CCDC102B: variants seen among roughly 807,000 people sequenced by gnomAD.
CCDC102B encodes the protein coiled-coil domain containing 102B, also known as coiled-coil domain-containing protein 102B.
Under a neutral mutation model 57.4 loss-of-function variants are expected in CCDC102B, and 75 were observed. The ratio of observed to expected loss-of-function variants is 1.31; its 90% CI spans 1.08 to 1.58. The LOEUF (loss-of-function observed/expected upper bound fraction) is 1.58, where lower values mean the gene tolerates loss of function less well. Among genes scored for constraint, CCDC102B ranks in the 40% most tolerant of loss-of-function variants. The pLI, the probability that CCDC102B is intolerant of heterozygous loss-of-function variation, is 0.00. For synonymous variants in CCDC102B, 206 were observed against 201.9 expected (o/e 1.02, Z -0.17); for missense variants, 636 against 582.6 (o/e 1.09, Z -0.94).
chr18:68,982,579 C>A (rs992210786), intron 6 of CCDC102B, among the ~76,000 whole-genome samples: 2 of 151,932 alleles, frequency 1.3e-5, no homozygotes, highest in Non-Finnish European at 2.9e-5. Flanking sequence ...CTGTATAATT[C>A]TCTTTTCCAA....
intron 7 of CCDC102B, among the ~76,000 whole-genome samples, chr18:69,028,731 T>A (rs2052058826): frequency 6.6e-6 from 1 of 152,134 alleles, no homozygotes; most frequent in Non-Finnish European, 1.5e-5. Context: ...TAAAGTAGAA[T>A]AACTGGTGAC....
At chr18:68,920,421 A>T (rs2041236652) in intron 6 of CCDC102B, among the ~76,000 whole-genome samples, 1 of 152,120 alleles carries the variant, frequency 6.6e-6, no homozygotes. Context: ...ATTAAAAGAC[A>T]TTAGGTCCAC....
At chr18:68,841,471 C>T (rs1043585065) in intron 3 of CCDC102B, among the ~76,000 whole-genome samples, 7 of 152,130 alleles carry the variant, frequency 4.6e-5, no homozygotes. Context: ...AAAGACTTCC[C>T]AGGTAGAAAA....
At chr18:68,990,690 C>A (rs911531395) in intron 6 of CCDC102B, among the ~76,000 whole-genome samples, 1 of 152,078 alleles carries the variant, frequency 6.6e-6, no homozygotes, top group Non-Finnish European at 1.5e-5. Context: ...TTATAATTTT[C>A]CGCTTGAAGA....
At chr18:68,822,221 C>T (rs1021687728) in intron 1 of CCDC102B, among the ~76,000 whole-genome samples, 10 of 151,994 alleles carry the variant, frequency 6.6e-5, no homozygotes, top group African/African-American at 2.4e-4. Context: ...TAGTGAAACC[C>T]TGTCTCTACT....
chr18:68,792,342 C>A (rs553636728), intron 2 of CCDC102B, among the ~76,000 whole-genome samples: 1 of 152,124 alleles, frequency 6.6e-6, no homozygotes, highest in African/African-American at 2.4e-5. Context: ...CTGCTTTGCT[C>A]GGAGCCTAAG....
intron 6 of CCDC102B, among the ~76,000 whole-genome samples, chr18:68,979,736 A>T (rs1451556735): frequency 6.6e-6 from 1 of 152,044 alleles, no homozygotes; most frequent in Non-Finnish European, 1.5e-5. Flanking sequence ...TATTAAGTAT[A>T]AAAAATAATA....
intron 6 of CCDC102B, among the ~76,000 whole-genome samples, chr18:69,000,010 A>G (rs1032464599): frequency 1.3e-5 from 2 of 152,190 alleles, no homozygotes; most frequent in African/African-American, 2.4e-5. Context: ...TAGAAAAGAA[A>G]TGTATCAAAG....
intron 1 of CCDC102B, among the ~76,000 whole-genome samples, chr18:68,798,627 A>G (rs2035722676): frequency 6.6e-6 from 1 of 152,132 alleles, no homozygotes; most frequent in African/African-American, 2.4e-5. Context: ...TGTACCTTGA[A>G]TTCTTTTCAA....
chr18:69,006,221 A>G (rs2051336892), intron 6 of CCDC102B, among the ~76,000 whole-genome samples: 1 of 152,164 alleles, frequency 6.6e-6, no homozygotes, highest in African/African-American at 2.4e-5. Flanking sequence ...GATTTTAGAT[A>G]ATAATAGCAT....
chr18:68,715,373 C>G lies in CCDC102B; in HGVS notation c.-134+12C>G, dbSNP rs374509554. 173 of 501,896 alleles carry G rather than the reference C, an allele frequency of 3.4e-4. 1 individual carries two copies. The African/African-American group carries it at 3.6e-3, about 10-fold the overall frequency. 31.1% of individuals were successfully genotyped at this position (501,896 alleles called of 1,614,324 possible). A position where few individuals can be genotyped will look rare whatever the true frequency, so the allele number is the denominator to read the frequency against. ...ATGCTGAGGGTGAGGTAGGCTCTGA[C>G]GACGCACTTGCAGGTTGAATACTGG... is the stretch of plus-strand genomic sequence containing the variant. On this transcript the variant is annotated intron_variant, in intron 1 of 3. Transcript: ENST00000578970.
chr18:68,799,699 T>G (rs1490012448), intron 1 of CCDC102B, among the ~76,000 whole-genome samples: 2 of 152,172 alleles, frequency 1.3e-5, no homozygotes, highest in Non-Finnish European at 2.9e-5. Flanking sequence ...CTAGTGGAAC[T>G]TGGATAGGTG....
chr18:68,915,214 T>C (rs979204916), intron 6 of CCDC102B, among the ~76,000 whole-genome samples: 3 of 152,212 alleles, frequency 2.0e-5, no homozygotes, highest in African/African-American at 4.8e-5. Flanking sequence ...TTTAGTGGCA[T>C]TGGCCTTGAC....
At chr18:69,019,921 C>CTTATTATCATAAACAT (rs2051780461) in intron 7 of CCDC102B, among the ~76,000 whole-genome samples, 3 of 152,102 alleles carry the variant, frequency 2.0e-5, no homozygotes, top group Non-Finnish European at 4.4e-5. Flanking sequence ...TTATCATAAA[C>CTTATTATCATAAACAT]AGGTGTTGAA....
intron 2 of CCDC102B, among the ~76,000 whole-genome samples, chr18:68,726,396 G>A (rs144396882): frequency 1.2e-4 from 18 of 152,266 alleles, no homozygotes; most frequent in African/African-American, 3.4e-4. Flanking sequence ...TTACCTGCAG[G>A]CGTGTTTGTG....
chr18:69,029,755 G>C (rs1170311685), intron 7 of CCDC102B, among the ~76,000 whole-genome samples: 11 of 152,112 alleles, frequency 7.2e-5, no homozygotes, highest in Admixed American at 7.2e-4. Flanking sequence ...GTTTAAAGTT[G>C]GTTCCAGGAA....
intron 2 of CCDC102B, among the ~76,000 whole-genome samples, chr18:68,745,776 T>C (rs920308419): frequency 5.3e-5 from 8 of 152,180 alleles, no homozygotes; most frequent in Non-Finnish European, 8.8e-5. Flanking sequence ...CGATTTTCCT[T>C]TCTACTTCTA....
At chr18:69,017,703 A>C (rs549020323) in intron 7 of CCDC102B, among the ~76,000 whole-genome samples, 40 of 152,320 alleles carry the variant, frequency 2.6e-4, no homozygotes, top group African/African-American at 9.4e-4. Flanking sequence ...TATACAACAC[A>C]GTATTCTTAA....
intron 1 of CCDC102B, among the ~76,000 whole-genome samples, chr18:68,825,808 T>C (rs1680400108): frequency 6.6e-6 from 1 of 152,210 alleles, no homozygotes; most frequent in South Asian, 2.1e-4. Context: ...ATGAATTAAA[T>C]GCAGTAATTC....
Sources: gnomAD v4.1 joint callset for allele counts (sites outside exome capture counted in the v4.1 genomes callset) on GRCh38, gnomAD v4.1.1 for gene constraint, MANE v1.5 for transcripts, NCBI Gene and HGNC (gene_info 2026-07-23, HGNC 2026-07-21) for gene names.